SS18: variants seen among roughly 807,000 people sequenced by gnomAD.
The protein encoded by SS18 is protein SSXT.
A neutral mutation model predicts 72.5 loss-of-function variants in SS18; 28 were observed. The observed-to-expected ratio is 0.39, with a 90% confidence interval of 0.29 to 0.53. SS18 has a LOEUF of 0.53. SS18 is among the 20% of genes least tolerant of loss of function. SS18 has a pLI of 0.76. For missense variants in SS18, 518 were observed against 535.3 expected, an observed-to-expected ratio of 0.97 and a Z score of 0.32; for synonymous variants, 172 against 164.2, an observed-to-expected ratio of 1.05 and a Z score of -0.37.
chr18:26,043,006 A>G (rs1415839038), intron 5 of SS18, among the ~76,000 whole-genome samples: 1 of 152,172 alleles, frequency 6.6e-6, no homozygotes, highest in Non-Finnish European at 1.5e-5. Context: ...GTTTAAAATG[A>G]CAGCTAACAT....
At chr18:26,047,577 CCTGT>C (rs1458614867) in intron 5 of SS18, among the ~76,000 whole-genome samples, 13 of 152,214 alleles carry the variant, frequency 8.5e-5, no homozygotes, top group African/African-American at 1.9e-4. Context: ...GTGGCTCATG[CCTGT>C]CTGTAATCCC....
intron 4 of SS18, among the ~76,000 whole-genome samples, chr18:26,055,117 T>C (rs906503665): frequency 6.6e-6 from 1 of 152,092 alleles, no homozygotes; most frequent in Non-Finnish European, 1.5e-5. Context: ...AGGCATCCTT[T>C]GGTATCCTTT....
intron 3 of SS18, among the ~76,000 whole-genome samples, chr18:26,069,171 C>G (rs574556065): frequency 6.6e-6 from 1 of 152,074 alleles, no homozygotes; most frequent in Non-Finnish European, 1.5e-5. Flanking sequence ...CCAATGTGTA[C>G]CTATATCTTT....
intron 3 of SS18, among the ~76,000 whole-genome samples, chr18:26,073,905 G>A (rs888144329): frequency 6.6e-6 from 1 of 152,104 alleles, no homozygotes; most frequent in East Asian, 1.9e-4. Flanking sequence ...ATCTAGGCAT[G>A]GGTATTTGGC....
intron 6 of SS18, 67 bp from the exon 7 acceptor site, chr18:26,038,726 A>C (rs2053669275): frequency 7.5e-7 from 1 of 1,333,338 alleles, no homozygotes. Flanking sequence ...CTTTCTTTCT[A>C]ATTTGATATT....
At chr18:26,087,786 C>A (rs561614160) in intron 1 of SS18, among the ~76,000 whole-genome samples, 167 of 152,216 alleles carry the variant, frequency 1.1e-3, no homozygotes, top group Non-Finnish European at 1.0e-3. Context: ...ACAAAATTTC[C>A]TTAAAATGAC....
At chr18:26,076,358 A>T (rs959145653) in intron 3 of SS18, among the ~76,000 whole-genome samples, 30 of 151,944 alleles carry the variant, frequency 2.0e-4, no homozygotes, top group African/African-American at 6.8e-4. Context: ...CAGATCAGAC[A>T]CAGACCCACA....
chr18:26,060,770 C>CCAAAAAA (rs2054105238), intron 3 of SS18, among the ~76,000 whole-genome samples: 1 of 5,734 alleles, frequency 1.7e-4, no homozygotes, highest in Non-Finnish European at 6.3e-4. Context: ...ACTAAAAATA[C>CCAAAAAA]CAAAAAAAAA....
chr18:26,025,963 T>A (rs190855149), intron 10 of SS18, among the ~76,000 whole-genome samples: 1 of 152,218 alleles, frequency 6.6e-6, no homozygotes, highest in East Asian at 1.9e-4. Context: ...GCTGAAAATA[T>A]CCTAAGTTTT....
rs566037572 is a variant in SS18, at chr18:26,074,764, G to T, written c.231+3312C>A. 9.2e-5 allele frequency among the ~76,000 whole-genome samples: 14 copies of T among 151,876 alleles called. No homozygotes were observed. The South Asian group carries it at 2.3e-3, about 25-fold the overall frequency. On this transcript the variant is annotated intron_variant, in intron 3 of 10. Transcript: ENST00000415083. Reference sequence around the variant, plus strand: ...TGTAACAGGGTTCTGAGACCAAAAGGTTTGAAAAATGCTGCAACAGAGCAC... The same window carrying T: ...TGTAACAGGGTTCTGAGACCAAAAGTTTTGAAAAATGCTGCAACAGAGCAC...
intron 3 of SS18, among the ~76,000 whole-genome samples, chr18:26,069,783 A>G (rs2054282247): frequency 6.6e-6 from 1 of 152,260 alleles, no homozygotes; most frequent in Non-Finnish European, 1.5e-5. Flanking sequence ...ACATTAATGA[A>G]TAAAAACTTT....
At position 26,090,403 on chromosome 18, in the gene SS18, G is replaced by T. The variant is rs1164742094; in HGVS notation, c.69+98C>A. On this transcript the variant is annotated intron_variant, in intron 1 of 10. Coordinates refer to ENST00000415083, the MANE Select transcript of SS18 (RefSeq NM_001007559.3). ...GCTGATTCCCAGCAGGCCCGCCTCC[G>T]CCTCGGCCCGGTCGACTCCGGGCCC... The T allele has an allele frequency of 6.4e-6, 8 of 1,253,896 alleles. No individual in the cohort carries two copies. The African/African-American group carries it at 1.1e-4, about 16-fold the overall frequency. 77.7% of individuals were successfully genotyped at this position (1,253,896 alleles called of 1,614,324 possible). A position where few individuals can be genotyped will look rare whatever the true frequency, so the allele number is the denominator to read the frequency against.
At chr18:26,062,224 A>G (rs920954969) in intron 3 of SS18, among the ~76,000 whole-genome samples, 6 of 152,078 alleles carry the variant, frequency 3.9e-5, no homozygotes, top group Non-Finnish European at 8.8e-5. Flanking sequence ...TCACACCACT[A>G]CACTCCACCC....
chr18:26,019,197 T>C (rs1206279287), intron 10 of SS18, among the ~76,000 whole-genome samples: 2 of 152,072 alleles, frequency 1.3e-5, no homozygotes, highest in East Asian at 1.9e-4. Context: ...AAACAGAAGG[T>C]AGAAAAAAAG....
chr18:26,084,285 G>C (rs544587209), intron 2 of SS18: 2 of 152,018 alleles, frequency 1.3e-5, no homozygotes, highest in African/African-American at 4.8e-5. Flanking sequence ...TGAAGGAATA[G>C]GAAAAGAACA....
intron 5 of SS18, among the ~76,000 whole-genome samples, chr18:26,040,122 T>C (rs1056139906): frequency 6.6e-6 from 1 of 152,176 alleles, no homozygotes; most frequent in Non-Finnish European, 1.5e-5. Flanking sequence ...ATACATTACA[T>C]AAAGACTCTC....
In SS18 at chr18:26,086,110, G is replaced by A. The variant is rs549533747; in HGVS notation, c.146+1391C>T. ...TTCTTATTATTCCCTAAACAATATA[G>A]TATAACAAGTATTTACATTGTATTA... is the stretch of plus-strand genomic sequence containing the variant. On this transcript the variant is annotated intron_variant, in intron 2 of 10. Coordinates refer to ENST00000415083, the MANE Select transcript of SS18 (RefSeq NM_001007559.3). 2.0e-5 allele frequency: 3 copies of A among 152,120 alleles called. No homozygotes were observed. In the South Asian group the frequency reaches 6.2e-4, roughly 32 times the overall value. 9.4% of individuals were successfully genotyped at this position (152,120 alleles called of 1,614,324 possible).
intron 2 of SS18, among the ~76,000 whole-genome samples, chr18:26,085,679 G>A (rs953193233): frequency 6.6e-6 from 1 of 152,198 alleles, no homozygotes; most frequent in African/African-American, 2.4e-5. Context: ...CTATGGAGGG[G>A]AAGGAGATAA....
chr18:26,083,032 T>G (rs1026350051), intron 2 of SS18, among the ~76,000 whole-genome samples: 1 of 152,174 alleles, frequency 6.6e-6, no homozygotes, highest in African/African-American at 2.4e-5. Context: ...GAACACCTGT[T>G]AAGGTCGAGA....
Sources: gnomAD v4.1 joint callset for allele counts (sites outside exome capture counted in the v4.1 genomes callset) on GRCh38, gnomAD v4.1.1 for gene constraint, MANE v1.5 for transcripts, NCBI Gene and HGNC (gene_info 2026-07-23, HGNC 2026-07-21) for gene names.